RPS6KA2: variants seen among roughly 807,000 people sequenced by gnomAD.
The protein encoded by RPS6KA2 is ribosomal protein S6 kinase A2, also known as ribosomal protein S6 kinase alpha-2.
In RPS6KA2, 42 loss-of-function variants were observed where a neutral mutation model predicts 91.8. That is an observed-to-expected ratio of 0.46 (90% CI 0.36 to 0.59). RPS6KA2 has a LOEUF of 0.59. RPS6KA2 is among the 20% of genes least tolerant of loss of function. The probability of loss-of-function intolerance (pLI) is 0.00; values close to 1 mark genes in which losing one functional copy is unlikely to be tolerated. For missense variants in RPS6KA2, 798 were observed against 978.5 expected, an observed-to-expected ratio of 0.82 and a Z score of 2.46; for synonymous variants, 414 against 393.6, an observed-to-expected ratio of 1.05 and a Z score of -0.61.
chr6:166,610,235 T>G (rs999808404), intron 1 of RPS6KA2, among the ~76,000 whole-genome samples: 2 of 152,364 alleles, frequency 1.3e-5, no homozygotes, highest in South Asian at 2.1e-4. Flanking sequence ...TCGTAAATGA[T>G]TCTTTCCACT....
At chr6:166,845,975 A>G (rs1780595690) in intron 2 of RPS6KA2, among the ~76,000 whole-genome samples, 1 of 152,188 alleles carries the variant, frequency 6.6e-6, no homozygotes, top group Non-Finnish European at 1.5e-5. Flanking sequence ...AGATTAACCA[A>G]GAAAAAAAGA....
In RPS6KA2 at chr6:166,648,154, A is replaced by ACG. The variant is rs1554242174; in HGVS notation, c.124-109371_124-109370insCG. On this transcript the variant is annotated intron_variant, in intron 2 of 21. Transcript: ENST00000503859. The surrounding 1 kb of genome is among the most constrained non-coding windows in gnomAD (Gnocchi z 4.8). ...CATACATGCACACACGCACATGGTT[A>ACG]CACACCCATGCACACATGCTCACAC... Among the ~76,000 whole-genome samples the ACG allele has an allele frequency of 9.0e-4, 66 of 73,100 alleles. No individual in the cohort carries two copies. Among genetic ancestry groups the ACG allele is most frequent in the African/African-American group, 3.6e-3 (61 of 16,850 alleles). The allele number at this position is 73,100 out of a possible 152,430, so 48.0% of individuals were successfully genotyped here.
At chr6:166,497,698 A>G (rs6940371) in intron 8 of RPS6KA2, among the ~76,000 whole-genome samples, 80,655 of 152,142 alleles carry the variant, frequency 0.53, 24,432 homozygotes, top group African/African-American at 0.84. Flanking sequence ...GACGAGGAGT[A>G]GGGTGTGGTG....
chr6:166,608,015 G>GAAA, intron 1 of RPS6KA2, among the ~76,000 whole-genome samples: 1 of 128,186 alleles, frequency 7.8e-6, no homozygotes, highest in African/African-American at 2.9e-5. Flanking sequence ...GTCTCAGAAA[G>GAAA]AAAAAAAAAA....
intron 2 of RPS6KA2, among the ~76,000 whole-genome samples, chr6:166,537,284 A>G (rs1180726055): frequency 6.6e-6 from 1 of 152,296 alleles, no homozygotes; most frequent in East Asian, 1.9e-4. Flanking sequence ...TTTTCAAATC[A>G]TGGAGAAAAT....
intron 2 of RPS6KA2, among the ~76,000 whole-genome samples, chr6:166,842,243 C>G (rs911606245): frequency 1.3e-5 from 2 of 152,210 alleles, no homozygotes; most frequent in African/African-American, 4.8e-5. Flanking sequence ...TCTCCAACCC[C>G]CAGTCCCTCG....
At chr6:166,516,695 C>A (rs940313476) in intron 3 of RPS6KA2, among the ~76,000 whole-genome samples, 1 of 152,200 alleles carries the variant, frequency 6.6e-6, no homozygotes, top group Non-Finnish European at 1.5e-5. Context: ...CTACACTGTG[C>A]CCTTTATCTC....
intron 2 of RPS6KA2, among the ~76,000 whole-genome samples, chr6:166,824,355 CAG>C (rs1779980757): frequency 6.6e-6 from 1 of 152,224 alleles, no homozygotes; most frequent in Non-Finnish European, 1.5e-5. Context: ...CTCCAGATAG[CAG>C]CCTGTCCCCC....
intron 3 of RPS6KA2, among the ~76,000 whole-genome samples, chr6:166,524,571 C>T (rs1265807725): frequency 2.0e-5 from 3 of 152,208 alleles, no homozygotes; most frequent in Non-Finnish European, 4.4e-5. Flanking sequence ...CTCCCCACAT[C>T]CCTATTCAGC....
chr6:166,564,605 C>G (rs1784438941), intron 1 of RPS6KA2, among the ~76,000 whole-genome samples: 1 of 152,228 alleles, frequency 6.6e-6, no homozygotes, highest in Non-Finnish European at 1.5e-5. Flanking sequence ...GGGCCCTCTT[C>G]TAGGCATCTA....
At chr6:166,836,465 A>G (rs78222326) in intron 2 of RPS6KA2, among the ~76,000 whole-genome samples, 6,597 of 138,640 alleles carry the variant, frequency 0.048, 556 homozygotes, top group East Asian at 0.4. Flanking sequence ...ATTATTTTCT[A>G]TTTTTCTACC....
chr6:166,503,990 G>C (rs2128479752), intron 6 of RPS6KA2, among the ~76,000 whole-genome samples: 1 of 152,346 alleles, frequency 6.6e-6, no homozygotes, highest in East Asian at 1.9e-4. Context: ...TAGAGGTGGG[G>C]CTGACAAGTA....
chr6:166,567,429 G>T (rs1368595094), intron 1 of RPS6KA2, among the ~76,000 whole-genome samples: 3 of 152,182 alleles, frequency 2.0e-5, no homozygotes, highest in African/African-American at 7.2e-5. Flanking sequence ...AAAAATGAGT[G>T]GCCACGTGAG....
chr6:166,611,813 C>T (rs1786189242), intron 1 of RPS6KA2, among the ~76,000 whole-genome samples: 1 of 152,182 alleles, frequency 6.6e-6, no homozygotes, highest in South Asian at 2.1e-4. Context: ...TGTTTCTCCA[C>T]AGCCACTGGG....
intron 2 of RPS6KA2, among the ~76,000 whole-genome samples, chr6:166,534,551 A>G (rs907805030): frequency 6.6e-6 from 1 of 152,204 alleles, no homozygotes. Context: ...GCCCCATTCC[A>G]CTCAAGTCTG....
intron 2 of RPS6KA2, among the ~76,000 whole-genome samples, chr6:166,653,259 C>A (rs1787915449): frequency 6.6e-6 from 1 of 152,220 alleles, no homozygotes; most frequent in Non-Finnish European, 1.5e-5. Context: ...CAGGGTTTCA[C>A]CATGTTGGCC....
intron 2 of RPS6KA2, among the ~76,000 whole-genome samples, chr6:166,796,892 C>T (rs1446453722): frequency 6.6e-6 from 1 of 152,260 alleles, no homozygotes; most frequent in Non-Finnish European, 1.5e-5. Flanking sequence ...GGCACACTTA[C>T]ACAACTCTTT....
chr6:166,564,261 C>T (rs1311533453), intron 1 of RPS6KA2, among the ~76,000 whole-genome samples: 6 of 152,182 alleles, frequency 3.9e-5, no homozygotes, highest in East Asian at 1.9e-4. Flanking sequence ...CCCAGAACAT[C>T]GCATGTGTCA....
intron 2 of RPS6KA2, among the ~76,000 whole-genome samples, chr6:166,532,096 G>A (rs1783298414): frequency 6.6e-6 from 1 of 152,238 alleles, no homozygotes; most frequent in Non-Finnish European, 1.5e-5. Flanking sequence ...CGGTGCACTG[G>A]TGTGGCTGCC....
Sources: allele counts gnomAD v4.1 joint callset (sites outside exome capture counted in the v4.1 genomes callset), GRCh38; gene constraint gnomAD v4.1.1; non-coding constraint Gnocchi (gnomAD v3.1); transcripts MANE v1.5; gene names NCBI Gene and HGNC (gene_info 2026-07-23, HGNC 2026-07-21).